The following ADAM9 variants were observed in gnomAD, a reference collection of about 807,000 sequenced individuals.
The protein encoded by ADAM9 is ADAM metallopeptidase domain 9, also known as disintegrin and metalloproteinase domain-containing protein 9.
In ADAM9, 54 loss-of-function variants were observed where a neutral mutation model predicts 108.1. That is an observed-to-expected ratio of 0.50 (90% confidence interval 0.40 to 0.63). The LOEUF (loss-of-function observed/expected upper bound fraction) is 0.63. Ranked by LOEUF, ADAM9 falls within the 20% of genes least tolerant of loss-of-function variation. ADAM9 has a pLI of 0.00. For synonymous variants in ADAM9, 316 were observed against 336.0 expected, an observed-to-expected ratio of 0.94 and a Z score of 0.65; for missense variants, 830 against 997.7, an observed-to-expected ratio of 0.83 and a Z score of 2.26.
intron 6 of ADAM9, among the ~76,000 whole-genome samples, chr8:39,018,107 T>C (rs755419274): frequency 5.9e-5 from 9 of 152,222 alleles, no homozygotes; most frequent in Non-Finnish European, 1.3e-4. Context: ...GACATGGGTG[T>C]CTCTTAGACT....
intron 8 of ADAM9, among the ~76,000 whole-genome samples, chr8:39,022,181 A>G (rs1564254360): frequency 6.6e-6 from 1 of 151,974 alleles, no homozygotes; most frequent in Non-Finnish European, 1.5e-5. Flanking sequence ...AAAGAATTAG[A>G]TATATGTTCT....
At chr8:38,999,017 A>T (rs1022837732) in intron 1 of ADAM9, among the ~76,000 whole-genome samples, 24 of 152,064 alleles carry the variant, frequency 1.6e-4, no homozygotes, top group Non-Finnish European at 3.1e-4. Context: ...ACGGTGGAGG[A>T]TAGAATCTAG....
intron 14 of ADAM9, 103 bp downstream of exon 14, chr8:39,055,875 C>G (rs1838106012): frequency 3.3e-6 from 4 of 1,205,968 alleles, no homozygotes; most frequent in South Asian, 2.8e-5. Context: ...TTGAGGCTCT[C>G]TTGTTTCTCA....
rs1340667726 is a variant in ADAM9, at chr8:39,057,019, CTATGTTTAGA to C, written c.1591+1260_1591+1269del. 5.3e-5 allele frequency among the ~76,000 whole-genome samples: 8 copies of C among 152,188 alleles called. No individual in the cohort carries two copies. In the East Asian group the frequency reaches 1.5e-3, roughly 29 times the overall value. ...ATGCTGTATTTTTACTGTAACTTTT[CTATGTTTAGA>C]TATGTTTAGATACCTTTTCTATGTT... On this transcript the variant is annotated intron_variant, in intron 14 of 21. Coordinates refer to ENST00000487273, the MANE Select transcript of ADAM9 (RefSeq NM_003816.3).
chr8:39,032,245 T>C (rs868345925), intron 11 of ADAM9, among the ~76,000 whole-genome samples: 2 of 152,252 alleles, frequency 1.3e-5, no homozygotes, highest in South Asian at 2.1e-4. Context: ...AAGATTCTCT[T>C]GCCTTTTGTT....
chr8:39,033,494 G>GT (rs1014388917), intron 11 of ADAM9, among the ~76,000 whole-genome samples: 70 of 148,790 alleles, frequency 4.7e-4, no homozygotes, highest in African/African-American at 1.4e-3. Flanking sequence ...TTGACAGTGT[G>GT]TTTTTTTTTA....
intron 11 of ADAM9, among the ~76,000 whole-genome samples, chr8:39,028,054 C>T (rs1204282843): frequency 6.6e-6 from 1 of 152,256 alleles, no homozygotes; most frequent in East Asian, 1.9e-4. Flanking sequence ...TGCCACTGCA[C>T]TCCAGCCTGG....
At chr8:39,087,673 A>G (rs567920163) in intron 18 of ADAM9, among the ~76,000 whole-genome samples, 1 of 152,386 alleles carries the variant, frequency 6.6e-6, no homozygotes, top group Admixed American at 6.5e-5. Flanking sequence ...TGCCACTAAC[A>G]GTGCGAAGGT....
At chr8:39,089,286 A>T (rs146697415) in intron 18 of ADAM9, among the ~76,000 whole-genome samples, 1 of 152,218 alleles carries the variant, frequency 6.6e-6, no homozygotes, top group East Asian at 1.9e-4. Flanking sequence ...CTCATAGTAT[A>T]AAAAAATGTA....
At chr8:39,015,131 A>C (rs1836485726) in intron 4 of ADAM9, 1 of 152,478 alleles carries the variant, frequency 6.6e-6, no homozygotes, top group Non-Finnish European at 1.5e-5. Flanking sequence ...CTTTCTTCAG[A>C]CATACACTGT....
intron 1 of ADAM9, among the ~76,000 whole-genome samples, chr8:38,997,873 G>A (rs186339412): frequency 1.3e-5 from 2 of 152,316 alleles, no homozygotes; most frequent in Admixed American, 1.3e-4. Context: ...TGAACTCACA[G>A]GATTATTGTA....
intron 1 of ADAM9, among the ~76,000 whole-genome samples, chr8:39,007,164 G>T (rs1415937973): frequency 6.6e-6 from 1 of 152,180 alleles, no homozygotes; most frequent in African/African-American, 2.4e-5. Context: ...CGGGTACAGA[G>T]GTCATAAGGC....
chr8:39,079,903 A>G (rs972908589), intron 16 of ADAM9, among the ~76,000 whole-genome samples: 2 of 152,232 alleles, frequency 1.3e-5, no homozygotes, highest in South Asian at 2.1e-4. Context: ...TCATGAAATT[A>G]TATCAGTCTT....
rs200061745 is a variant in ADAM9 at position 39,018,957 on chromosome 8, G to A, written c.672+39G>A. 1.9e-4 allele frequency: 303 copies of A among 1,564,924 alleles called. 4 individuals carry two copies. The East Asian group carries it at 6.7e-3, about 34-fold the overall frequency. ...CAATTTTTCTTCTTTTCCATGAAAAGGATATGAGAAGTGAGCATTTAATGA... is the reference window on the plus strand; with the variant it reads ...CAATTTTTCTTCTTTTCCATGAAAAAGATATGAGAAGTGAGCATTTAATGA... On this transcript the variant is annotated intron_variant, in intron 7 of 21. Coordinates refer to ENST00000487273, the MANE Select transcript of ADAM9 (RefSeq NM_003816.3).
intron 2 of ADAM9, among the ~76,000 whole-genome samples, chr8:39,009,923 A>AGAGG (rs1293403635): frequency 1.2e-5 from 1 of 80,374 alleles, no homozygotes; most frequent in Non-Finnish European, 2.4e-5. Flanking sequence ...AGAGAGAGAG[A>AGAGG]GAGAGAGAGA....
intron 14 of ADAM9, among the ~76,000 whole-genome samples, chr8:39,062,879 A>G (rs1838341631): frequency 6.6e-6 from 1 of 152,172 alleles, no homozygotes; most frequent in African/African-American, 2.4e-5. Flanking sequence ...CGACTCAAAC[A>G]TTTTAGTCTC....
intron 20 of ADAM9, among the ~76,000 whole-genome samples, chr8:39,096,102 AT>A (rs1463711972): frequency 8.0e-5 from 12 of 149,766 alleles, no homozygotes; most frequent in South Asian, 6.6e-4. Context: ...TGGATACATA[AT>A]AGTTGTACAT....
chr8:39,103,832 CT>C lies in ADAM9; in HGVS notation c.*133del, dbSNP rs1564397666. 1.2e-6 allele frequency: 1 copy of C among 859,150 alleles called. No homozygotes were observed. The highest frequency in any genetic ancestry group is 2.0e-5 in the Admixed American group (1 of 50,810). 53.2% of individuals were successfully genotyped at this position (859,150 alleles called of 1,614,324 possible). A position where few individuals can be genotyped will look rare whatever the true frequency, so the allele number is the denominator to read the frequency against. On this transcript the variant is annotated 3_prime_UTR_variant, in exon 22 of 22. Transcript: ENST00000487273. ...ACAAAACACCACAAAACAGACTTCA[CT>C]AACACAGAAAAACAGAAACTGAGTG...
Position 38,997,091 on chromosome 8 carries a change from G to A in ADAM9, c.28G>A (p.Gly10Arg), listed in dbSNP as rs761188130. 3 of 1,607,286 alleles carry A rather than the reference G, an allele frequency of 1.9e-6. No individual in the cohort carries two copies. In the South Asian group the frequency reaches 3.3e-5, roughly 18 times the overall value. Reference sequence around the variant, plus strand: ...GGGGTCTGGCGCGCGCTTTCCCTCGGGGACCCTTCGTGTCCGGTGGTTGCT... The same window carrying A: ...GGGGTCTGGCGCGCGCTTTCCCTCGAGGACCCTTCGTGTCCGGTGGTTGCT... MGSGARFPS[G>R]TLRVRWLLLL... The change falls in exon 1 of 22, where the codon GGG becomes AGG. Residue 10 changes from glycine to arginine, a missense_variant. Coordinates refer to ENST00000487273, the MANE Select transcript of ADAM9 (RefSeq NM_003816.3).
Sources: allele counts gnomAD v4.1 joint callset (sites outside exome capture counted in the v4.1 genomes callset), GRCh38; gene constraint gnomAD v4.1.1; transcripts MANE v1.5; gene names NCBI Gene and HGNC (gene_info 2026-07-23, HGNC 2026-07-21).